The following WDR70 variants were observed in gnomAD, a reference collection of about 807,000 sequenced individuals.
WDR70 encodes the protein WD repeat-containing protein 70.
WDR70 carries 53 observed loss-of-function variants against 88.6 expected under a neutral mutation model. That is an observed-to-expected ratio of 0.60 (90% confidence interval 0.48 to 0.75). The LOEUF (loss-of-function observed/expected upper bound fraction) is 0.75, where lower values mean the gene tolerates loss of function less well. WDR70 is among the 30% of genes least tolerant of loss of function. The pLI is 0.00. For missense variants in WDR70, 610 were observed against 823.2 expected, an observed-to-expected ratio of 0.74 and a Z score of 3.17; for synonymous variants, 280 against 270.0, an observed-to-expected ratio of 1.04 and a Z score of -0.36.
At chr5:37,649,237 A>G (rs1561050064) in intron 10 of WDR70, among the ~76,000 whole-genome samples, 1 of 152,032 alleles carries the variant, frequency 6.6e-6, no homozygotes, top group Non-Finnish European at 1.5e-5. Context: ...TTTCCAAGAG[A>G]TAATGACCAT....
chr5:37,600,526 CA>C (rs552804920), intron 9 of WDR70, among the ~76,000 whole-genome samples: 1,143 of 101,228 alleles, frequency 0.011, 8 homozygotes, highest in African/African-American at 0.037. Context: ...GACTCCGTCT[CA>C]AAAAAAAAAA....
At chr5:37,497,484 C>T (rs1265384320) in intron 8 of WDR70, among the ~76,000 whole-genome samples, 2 of 140,272 alleles carry the variant, frequency 1.4e-5, no homozygotes, top group African/African-American at 5.2e-5. Context: ...TTCCCTCTTC[C>T]CTTCCCTTCC....
intron 9 of WDR70, among the ~76,000 whole-genome samples, chr5:37,601,114 A>T (rs1743868676): frequency 6.6e-6 from 1 of 152,182 alleles, no homozygotes; most frequent in African/African-American, 2.4e-5. Context: ...GTTTTAGAGA[A>T]AAAGCTATCA....
chr5:37,584,617 C>G (rs4869438), intron 9 of WDR70, among the ~76,000 whole-genome samples: 71,770 of 151,642 alleles, frequency 0.47, 18,428 homozygotes, highest in Non-Finnish European at 0.58. Context: ...CTTGGTTGGT[C>G]GAGTGAAAAA....
chr5:37,689,439 C>T (rs1331052624), intron 10 of WDR70, among the ~76,000 whole-genome samples: 2 of 152,112 alleles, frequency 1.3e-5, no homozygotes, highest in Non-Finnish European at 2.9e-5. Flanking sequence ...CAGTAGGGGC[C>T]GACAGACACC....
chr5:37,668,506 A>C (rs1745928602), intron 10 of WDR70, among the ~76,000 whole-genome samples: 2 of 152,248 alleles, frequency 1.3e-5, no homozygotes, highest in Non-Finnish European at 2.9e-5. Context: ...TAAGTGATAT[A>C]CCAACTGGTC....
intron 9 of WDR70, among the ~76,000 whole-genome samples, chr5:37,538,879 T>C (rs1741737967): frequency 6.6e-6 from 1 of 152,206 alleles, no homozygotes; most frequent in African/African-American, 2.4e-5. Flanking sequence ...TAATTTCTAC[T>C]TGTGAATTTC....
chr5:37,578,926 T>C (rs189038626), intron 9 of WDR70, among the ~76,000 whole-genome samples: 31 of 152,344 alleles, frequency 2.0e-4, no homozygotes, highest in Non-Finnish European at 3.8e-4. Context: ...TTAAATAACT[T>C]TTTTGAGATT....
At chr5:37,697,568 C>A (rs527780117) in intron 10 of WDR70, 87 bp from the exon 11 acceptor site, 2 of 1,051,332 alleles carry the variant, frequency 1.9e-6, no homozygotes, top group Non-Finnish European at 2.9e-6. Flanking sequence ...TTATTTTCAT[C>A]GTAATAAAGT....
Position 37,470,308 on chromosome 5 carries a change from TTAATA to T in WDR70, c.687-9522_687-9518del, listed in dbSNP as rs1739289234. Among the ~76,000 whole-genome samples the T allele has an allele frequency of 2.6e-5, 4 of 152,156 alleles. No homozygotes were observed. The South Asian group carries it at 8.3e-4, about 32-fold the overall frequency. Reference sequence around the variant, plus strand: ...TGTCTTTACTGGTGAATTAAGGGCCTTAATATAAAATTGCTTCAGATGTCTCTAAT... The same window carrying T: ...TGTCTTTACTGGTGAATTAAGGGCCTTAAAATTGCTTCAGATGTCTCTAAT... On this transcript the variant is annotated intron_variant, in intron 7 of 17. Transcript: ENST00000265107.
intron 6 of WDR70, among the ~76,000 whole-genome samples, chr5:37,439,301 T>C (rs1229079891): frequency 6.6e-6 from 1 of 151,708 alleles, no homozygotes; most frequent in Non-Finnish European, 1.5e-5. Context: ...ATCATTTCCA[T>C]CTAATTCTTA....
chr5:37,645,649 C>T (rs1320848389), intron 10 of WDR70, among the ~76,000 whole-genome samples: 1 of 152,042 alleles, frequency 6.6e-6, no homozygotes, highest in African/African-American at 2.4e-5. Context: ...CATCTGGGTG[C>T]TCCAATGTTG....
intron 5 of WDR70, among the ~76,000 whole-genome samples, chr5:37,408,281 G>A (rs1749415062): frequency 6.6e-6 from 1 of 152,026 alleles, no homozygotes; most frequent in Non-Finnish European, 1.5e-5. Context: ...AGACCAGCCT[G>A]GCCAACATAG....
intron 12 of WDR70, among the ~76,000 whole-genome samples, chr5:37,702,165 A>G (rs1413050186): frequency 6.6e-6 from 1 of 152,256 alleles, no homozygotes; most frequent in Non-Finnish European, 1.5e-5. Context: ...ATGCAGTACT[A>G]ACTCTAACAT....
rs79946015 is a variant in WDR70, at chr5:37,592,324, A to T, written c.918-12740A>T. 4.8e-3 allele frequency among the ~76,000 whole-genome samples: 725 copies of T among 152,342 alleles called. 9 individuals are homozygous for T. The highest frequency in any genetic ancestry group is 0.017 in the African/African-American group (691 of 41,576). On this transcript the variant is annotated intron_variant, in intron 9 of 17. Coordinates refer to ENST00000265107, the MANE Select transcript of WDR70 (RefSeq NM_018034.4). ...GCAAAAATGTCATTGTCTCAGTTAC[A>T]CATGTGGAGAACTATAGAGTTTTGG...
chr5:37,660,463 T>C (rs76039176), intron 10 of WDR70, among the ~76,000 whole-genome samples: 3 of 150,904 alleles, frequency 2.0e-5, no homozygotes, highest in East Asian at 1.9e-4. Flanking sequence ...TTTTTTTTTT[T>C]CTGTATTTTA....
intron 10 of WDR70, among the ~76,000 whole-genome samples, chr5:37,657,822 G>T (rs540299369): frequency 6.6e-6 from 1 of 152,186 alleles, no homozygotes; most frequent in South Asian, 2.1e-4. Flanking sequence ...AACCAAACAA[G>T]TCTGTATAAT....
At chr5:37,724,849 T>C in intron 15 of WDR70, 85 bp from the exon 16 acceptor site, 1 of 1,220,822 alleles carries the variant, frequency 8.2e-7, no homozygotes, top group Non-Finnish European at 1.2e-6. Flanking sequence ...TTCCATTTCA[T>C]CTTTCAGTTA....
At chr5:37,739,232 GGTAGATA>G (rs1748396079) in intron 17 of WDR70, among the ~76,000 whole-genome samples, 1 of 152,166 alleles carries the variant, frequency 6.6e-6, no homozygotes, top group South Asian at 2.1e-4. Context: ...ACTTCGTTAA[GGTAGATA>G]CTTCACTCAT....
Sources: gnomAD v4.1 joint callset for allele counts (sites outside exome capture counted in the v4.1 genomes callset) on GRCh38, gnomAD v4.1.1 for gene constraint, MANE v1.5 for transcripts, NCBI Gene and HGNC (gene_info 2026-07-23, HGNC 2026-07-21) for gene names.